The following ARFGEF3 variants were observed in gnomAD, a reference collection of about 807,000 sequenced individuals.
The protein encoded by ARFGEF3 is ARFGEF family member 3, also known as brefeldin A-inhibited guanine nucleotide-exchange protein 3.
ARFGEF3 carries 96 observed loss-of-function variants against 221.7 expected under a neutral mutation model. The ratio of observed to expected loss-of-function variants is 0.43; its 90% CI spans 0.37 to 0.51. ARFGEF3 has a LOEUF of 0.51. ARFGEF3 is among the 20% of genes least tolerant of loss of function. The probability of loss-of-function intolerance (pLI) is 0.00; values close to 1 mark genes in which losing one functional copy is unlikely to be tolerated. For synonymous variants in ARFGEF3, 1,145 were observed against 1,126.8 expected, an observed-to-expected ratio of 1.02 and a Z score of -0.32; for missense variants, 2,410 against 2,789.9, an observed-to-expected ratio of 0.86 and a Z score of 3.07.
intron 12 of ARFGEF3, 96 bp downstream of exon 12, chr6:138,263,707 C>G: frequency 8.7e-7 from 1 of 1,146,446 alleles, no homozygotes; most frequent in African/African-American, 1.6e-5. Flanking sequence ...TTGACGTGCT[C>G]AAAGCATATT....
intron 25 of ARFGEF3, among the ~76,000 whole-genome samples, chr6:138,312,813 G>A (rs1373452835): frequency 1.3e-5 from 2 of 152,274 alleles, no homozygotes; most frequent in Admixed American, 1.3e-4. Context: ...AGGTTCAAGC[G>A]ATTCTCCTGC....
chr6:138,202,605 T>C (rs1777557604), intron 2 of ARFGEF3, among the ~76,000 whole-genome samples: 1 of 151,974 alleles, frequency 6.6e-6, no homozygotes, highest in African/African-American at 2.4e-5. Context: ...ACTGTTTTCA[T>C]TCACGTTGAT....
At chr6:138,205,110 C>T (rs929791196) in intron 2 of ARFGEF3, among the ~76,000 whole-genome samples, 1 of 152,166 alleles carries the variant, frequency 6.6e-6, no homozygotes, top group African/African-American at 2.4e-5. Context: ...TATAGATAGG[C>T]GAACATATTG....
chr6:138,172,060 T>A (rs1303280121), intron 2 of ARFGEF3, among the ~76,000 whole-genome samples: 1 of 152,232 alleles, frequency 6.6e-6, no homozygotes, highest in African/African-American at 2.4e-5. Flanking sequence ...TTTAAAAAAT[T>A]CATTACTTTT....
chr6:138,288,597 GA>G (rs1779340557), intron 17 of ARFGEF3, among the ~76,000 whole-genome samples: 1 of 151,778 alleles, frequency 6.6e-6, no homozygotes, highest in Non-Finnish European at 1.5e-5. Context: ...GCTGAGGCAG[GA>G]CAATTGCTTG....
intron 6 of ARFGEF3, among the ~76,000 whole-genome samples, chr6:138,241,825 A>G (rs926961296): frequency 2.6e-5 from 4 of 152,230 alleles, no homozygotes; most frequent in Non-Finnish European, 4.4e-5. Flanking sequence ...TTGATTTTGT[A>G]TCGTCACAAA....
chr6:138,330,452 T>A (rs1780205331), intron 32 of ARFGEF3, among the ~76,000 whole-genome samples: 1 of 147,370 alleles, frequency 6.8e-6, no homozygotes, highest in Non-Finnish European at 1.5e-5. Flanking sequence ...ATGGTATTTG[T>A]TAACGGCAGC....
chr6:138,203,789 C>T (rs928206345), intron 2 of ARFGEF3, among the ~76,000 whole-genome samples: 6 of 152,100 alleles, frequency 3.9e-5, no homozygotes, highest in African/African-American at 1.2e-4. Context: ...TACAGGCCCA[C>T]GCCACCATGC....
rs187494844 is a variant in ARFGEF3 at position 138,323,560 on chromosome 6, A to C, written c.4767-111A>C. ...CGGGAGATGGAGGTTGCAGTGAGCC[A>C]AGATCATGCCAGTGCACTCCAGGCT... On this transcript the variant is annotated intron_variant, in intron 29 of 33. Coordinates refer to ENST00000251691, the MANE Select transcript of ARFGEF3 (RefSeq NM_020340.5). The C allele has an allele frequency of 1.9e-4, 171 of 894,306 alleles. 2 individuals carry two copies. The Admixed American group carries it at 3.9e-3, about 20-fold the overall frequency. The allele number at this position is 894,306 out of a possible 1,614,324, so 55.4% of individuals were successfully genotyped here.
chr6:138,309,953 C>A (rs1779796001), intron 24 of ARFGEF3, among the ~76,000 whole-genome samples: 1 of 152,170 alleles, frequency 6.6e-6, no homozygotes, highest in Admixed American at 6.5e-5. Context: ...ACAGACACAC[C>A]CAGAAATCAT....
At chr6:138,302,140 A>T (rs1039102152) in intron 22 of ARFGEF3, among the ~76,000 whole-genome samples, 1 of 152,224 alleles carries the variant, frequency 6.6e-6, no homozygotes, top group Admixed American at 6.5e-5. Context: ...CTGACTTAAG[A>T]GTAAGCCCAG....
intron 1 of ARFGEF3, among the ~76,000 whole-genome samples, chr6:138,169,821 G>C (rs1776792331): frequency 6.6e-6 from 1 of 152,206 alleles, no homozygotes; most frequent in African/African-American, 2.4e-5. Flanking sequence ...CCTGTTCTTA[G>C]CCTTGAGTCT....
intron 1 of ARFGEF3, among the ~76,000 whole-genome samples, chr6:138,168,415 C>T (rs138072739): frequency 5.7e-4 from 86 of 152,210 alleles, no homozygotes; most frequent in African/African-American, 2.0e-3. Context: ...GCTGGAGCGA[C>T]GGGAGAGAAG....
intron 24 of ARFGEF3, among the ~76,000 whole-genome samples, chr6:138,309,634 G>A (rs930729875): frequency 1.3e-5 from 2 of 152,120 alleles, no homozygotes; most frequent in Admixed American, 6.5e-5. Context: ...GAAGTCCCAC[G>A]ATAGACCATC....
At chr6:138,253,157 A>G (rs1403506648) in intron 8 of ARFGEF3, among the ~76,000 whole-genome samples, 4 of 152,266 alleles carry the variant, frequency 2.6e-5, no homozygotes, top group Non-Finnish European at 4.4e-5. Context: ...CATTTCTGCC[A>G]TAAACTATGG....
chr6:138,204,638 A>G (rs1384836239), intron 2 of ARFGEF3, among the ~76,000 whole-genome samples: 1 of 152,216 alleles, frequency 6.6e-6, no homozygotes, highest in Admixed American at 6.5e-5. Flanking sequence ...GAAGTTTGAC[A>G]ACCTCTGATA....
chr6:138,227,903 C>T (rs1463945336), intron 4 of ARFGEF3, among the ~76,000 whole-genome samples: 11 of 152,180 alleles, frequency 7.2e-5, no homozygotes, highest in Non-Finnish European at 1.5e-4. Context: ...AATCAAGCCA[C>T]GTGGCAAAAC....
chr6:138,194,066 G>A (rs773854299), intron 2 of ARFGEF3, among the ~76,000 whole-genome samples: 4 of 152,074 alleles, frequency 2.6e-5, no homozygotes, highest in Admixed American at 2.0e-4. Context: ...TCAGGAGTTC[G>A]AGACCAGCCT....
rs144477049 is a variant in ARFGEF3 at position 138,177,114 on chromosome 6, C to T, written c.137+6401C>T. On this transcript the variant is annotated intron_variant, in intron 2 of 33. Transcript: ENST00000251691. ...ATTTATTTATATTTTTTTTGAGACA[C>T]GGTCATGCTCTGTCACCCAGGCTGG... Among the ~76,000 whole-genome samples, 553 of 150,012 alleles carry T rather than the reference C, an allele frequency of 3.7e-3. 3 individuals are homozygous for T. The highest frequency in any genetic ancestry group is 0.011 in the Admixed American group (167 of 15,052).
Sources: allele counts gnomAD v4.1 joint callset (sites outside exome capture counted in the v4.1 genomes callset), GRCh38; gene constraint gnomAD v4.1.1; transcripts MANE v1.5; gene names NCBI Gene and HGNC (gene_info 2026-07-23, HGNC 2026-07-21).